Variants in SCHIP1 observed in about 807,000 individuals in gnomAD.
The protein encoded by SCHIP1 is schwannomin-interacting protein 1.
In SCHIP1, 8 loss-of-function variants were observed where a neutral mutation model predicts 29.7. The ratio of observed to expected loss-of-function variants is 0.27; its 90% CI spans 0.16 to 0.49. The LOEUF (loss-of-function observed/expected upper bound fraction) is 0.49, where lower values mean the gene tolerates loss of function less well. Among genes scored for constraint, SCHIP1 ranks in the 20% least tolerant of loss-of-function variants. SCHIP1 has a pLI of 0.99. For missense variants in SCHIP1, 193 were observed against 294.6 expected (o/e 0.66, Z 2.52); for synonymous variants, 76 against 94.9 (o/e 0.80, Z 1.16).
chr3:159,716,561 C>T, the SCHIP1 span, among the ~76,000 whole-genome samples: 3 of 152,058 alleles, frequency 2.0e-5, no homozygotes, highest in East Asian at 5.8e-4. Flanking sequence ...GGAAGATCTA[C>T]CAAGCAAATG....
the SCHIP1 span, among the ~76,000 whole-genome samples, chr3:159,668,684 G>C: frequency 0.053 from 8,137 of 152,128 alleles, 470 homozygotes; most frequent in African/African-American, 0.15. Context: ...CAGCTGGAAA[G>C]AGCTGAACAA....
At chr3:159,874,535 C>T (rs1715586467) in intron 2 of SCHIP1, among the ~76,000 whole-genome samples, 2 of 152,296 alleles carry the variant, frequency 1.3e-5, no homozygotes, top group African/African-American at 4.8e-5. Flanking sequence ...CTGTTATCAA[C>T]TGGACCAATA....
the SCHIP1 span, among the ~76,000 whole-genome samples, chr3:159,731,418 G>A: frequency 1.1e-4 from 17 of 152,202 alleles, no homozygotes; most frequent in Admixed American, 7.2e-4. Context: ...TCAGCTGTGG[G>A]CTTTAGCCAA....
the SCHIP1 span, among the ~76,000 whole-genome samples, chr3:159,659,820 T>A: frequency 2.6e-5 from 4 of 152,142 alleles, no homozygotes; most frequent in African/African-American, 7.2e-5. Flanking sequence ...GAAAGTGGCA[T>A]GAATAATTCA....
At chr3:159,333,026 CA>C in the SCHIP1 span, among the ~76,000 whole-genome samples, 1 of 151,432 alleles carries the variant, frequency 6.6e-6, no homozygotes. Flanking sequence ...AAATAAAAGG[CA>C]AAAAAGAAGA....
chr3:159,429,845 C>T, the SCHIP1 span, among the ~76,000 whole-genome samples: 1 of 152,128 alleles, frequency 6.6e-6, no homozygotes, highest in Admixed American at 6.6e-5. Flanking sequence ...GAATTTTTAT[C>T]CCATATGACA....
chr3:159,377,597 T>C, the SCHIP1 span, among the ~76,000 whole-genome samples: 60 of 152,312 alleles, frequency 3.9e-4, no homozygotes, highest in African/African-American at 1.3e-3. Context: ...CAGGAAGTGA[T>C]GGTTTATGGG....
chr3:159,811,106 G>A, the SCHIP1 span, among the ~76,000 whole-genome samples: 1 of 151,920 alleles, frequency 6.6e-6, no homozygotes, highest in African/African-American at 2.4e-5. Context: ...ATATTTCTTT[G>A]GTGAAATACC....
At chr3:159,468,777 A>ATATATATATATATATAT in the SCHIP1 span, among the ~76,000 whole-genome samples, 2 of 127,338 alleles carry the variant, frequency 1.6e-5, no homozygotes, top group African/African-American at 6.1e-5. Context: ...ATATATATAT[A>ATATATATATATATATAT]TTTTTTTTAG....
the SCHIP1 span, among the ~76,000 whole-genome samples, chr3:159,508,340 A>G: frequency 2.0e-5 from 3 of 152,034 alleles, no homozygotes; most frequent in South Asian, 2.1e-4. Flanking sequence ...TATTGTGTCT[A>G]TTTGATTCTT....
At chr3:159,274,863 A>G in the SCHIP1 span, 4 of 587,898 alleles carry the variant, frequency 6.8e-6, no homozygotes, top group Non-Finnish European at 8.6e-6. Context: ...ATATAATTGT[A>G]TTATAAAATT....
the SCHIP1 span, among the ~76,000 whole-genome samples, chr3:159,399,996 A>G: frequency 6.6e-5 from 10 of 152,216 alleles, no homozygotes; most frequent in Admixed American, 5.2e-4. Context: ...GTTAGGACCA[A>G]TAAGTGAATG....
chr3:159,379,666 C>A, the SCHIP1 span, among the ~76,000 whole-genome samples: 2 of 152,094 alleles, frequency 1.3e-5, no homozygotes, highest in African/African-American at 2.4e-5. Flanking sequence ...TTTCCTCAGG[C>A]CTTTAATGGG....
chr3:159,500,274 G>A, the SCHIP1 span, among the ~76,000 whole-genome samples: 1 of 152,092 alleles, frequency 6.6e-6, no homozygotes, highest in African/African-American at 2.4e-5. Flanking sequence ...ATGAATCTCA[G>A]ATACGTGCCA....
the SCHIP1 span, among the ~76,000 whole-genome samples, chr3:159,522,820 G>T: frequency 1.5e-4 from 23 of 152,332 alleles, no homozygotes; most frequent in Non-Finnish European, 2.6e-4. Flanking sequence ...AGTGAGCCAA[G>T]ATCCTGCCAC....
At chr3:159,412,524 C>T in the SCHIP1 span, among the ~76,000 whole-genome samples, 2 of 152,200 alleles carry the variant, frequency 1.3e-5, no homozygotes, top group Middle Eastern at 3.4e-3. Flanking sequence ...GATTGTGTAC[C>T]ACAAACACCT....
chr3:159,598,528 T>G, the SCHIP1 span, among the ~76,000 whole-genome samples: 2 of 152,102 alleles, frequency 1.3e-5, no homozygotes, highest in South Asian at 4.1e-4. Context: ...CTCCTTTGAC[T>G]CCATGTCTCA....
At chr3:159,822,399 G>A in the SCHIP1 span, among the ~76,000 whole-genome samples, 1 of 151,944 alleles carries the variant, frequency 6.6e-6, no homozygotes, top group Non-Finnish European at 1.5e-5. Context: ...ATTGGATTAA[G>A]AATAGTTGGA....
At chr3:159,779,855 A>G in the SCHIP1 span, among the ~76,000 whole-genome samples, 1 of 152,200 alleles carries the variant, frequency 6.6e-6, no homozygotes. Flanking sequence ...TCTGGACCAC[A>G]GTAATTTGAA....
Sources: allele counts gnomAD v4.1 joint callset (sites outside exome capture counted in the v4.1 genomes callset), GRCh38; gene constraint gnomAD v4.1.1; transcripts MANE v1.5; gene names NCBI Gene and HGNC (gene_info 2026-07-23, HGNC 2026-07-21).